Variants in ELMO1 observed in about 807,000 individuals in gnomAD.
ELMO1 encodes engulfment and cell motility protein 1.
ELMO1 carries 26 observed loss-of-function variants against 98.9 expected under a neutral mutation model. The observed-to-expected ratio is 0.26, with a 90% CI of 0.19 to 0.36. ELMO1 has a LOEUF of 0.36. Among genes scored for constraint, ELMO1 ranks in the 10% least tolerant of loss-of-function variants. The pLI, the probability that ELMO1 is intolerant of heterozygous loss-of-function variation, is 1.00. For synonymous variants in ELMO1, 346 were observed against 346.0 expected (o/e 1.00, Z 0.00); for missense variants, 627 against 935.2 (o/e 0.67, Z 4.30).
intron 10 of ELMO1, among the ~76,000 whole-genome samples, chr7:37,219,636 T>C (rs1793485323): frequency 6.6e-6 from 1 of 152,216 alleles, no homozygotes; most frequent in South Asian, 2.1e-4. Flanking sequence ...GAGAATTCTA[T>C]GAGTGACATC....
At chr7:37,258,147 AG>A (rs1795786912) in intron 6 of ELMO1, among the ~76,000 whole-genome samples, 1 of 152,184 alleles carries the variant, frequency 6.6e-6, no homozygotes, top group African/African-American at 2.4e-5. Context: ...ATACGCTTGT[AG>A]TCCTAGCTAC....
chr7:37,303,733 G>A (rs1200824984), intron 4 of ELMO1, among the ~76,000 whole-genome samples: 2 of 152,182 alleles, frequency 1.3e-5, no homozygotes, highest in Non-Finnish European at 2.9e-5. Flanking sequence ...AAATGTTTCA[G>A]TACTTCAGTC....
intron 20 of ELMO1, 40 bp from the exon 21 acceptor site, chr7:36,861,776 G>A (rs759571716): frequency 8.8e-6 from 14 of 1,596,646 alleles, no homozygotes; most frequent in East Asian, 2.2e-5. Context: ...AAGGAAAATC[G>A]GCACATTTCA....
intron 14 of ELMO1, among the ~76,000 whole-genome samples, chr7:37,132,342 T>C (rs968872575): frequency 6.6e-6 from 1 of 152,214 alleles, no homozygotes; most frequent in African/African-American, 2.4e-5. Context: ...GTCATCATTT[T>C]AACCACTCAC....
intron 1 of ELMO1, among the ~76,000 whole-genome samples, chr7:37,394,650 G>C (rs1562663289): frequency 6.6e-6 from 1 of 152,158 alleles, no homozygotes; most frequent in African/African-American, 2.4e-5. Flanking sequence ...GGAACAGTGT[G>C]GAGGAAACAG....
intron 13 of ELMO1, among the ~76,000 whole-genome samples, chr7:37,187,748 T>C (rs1420950224): frequency 6.6e-6 from 1 of 152,196 alleles, no homozygotes; most frequent in African/African-American, 2.4e-5. Flanking sequence ...AATGTGATAA[T>C]TTGACTATTT....
chr7:36,993,048 T>C (rs925903449), intron 16 of ELMO1, among the ~76,000 whole-genome samples: 1 of 151,646 alleles, frequency 6.6e-6, no homozygotes, highest in Non-Finnish European at 1.5e-5. Flanking sequence ...ACCAACAAGG[T>C]CAAGAACACA....
In ELMO1 at chr7:37,096,675, C is replaced by A; in HGVS notation, c.1244G>T (p.Arg415Leu). The change falls in exon 15 of 22, where the codon CGC becomes CTC. Residue 415 changes from arginine (R) to leucine (L), a missense_variant. This residue lies in a region of ELMO1 where 492 missense variants were observed against 715.6 expected (regional missense o/e 0.69). Transcript: ENST00000310758. ...REDKHECPFGRSSIELTKMLC... is the reference protein window; with the variant it reads ...REDKHECPFGLSSIELTKMLC... ...CATCTTGGTCAGCTCTATACTACTG[C>A]GGCCAAAGGGACATTCATGCTTGTC... The A allele has an allele frequency of 6.2e-7, 1 of 1,614,138 alleles. No homozygotes were observed.
chr7:36,855,543 C>T lies in ELMO1; in HGVS notation c.*8G>A, dbSNP rs779767064. 1.2e-5 allele frequency: 20 copies of T among 1,613,780 alleles called. 1 individual carries two copies. Among genetic ancestry groups the T allele is most frequent in the East Asian group, 6.7e-5 (3 of 44,878 alleles). ...GTTTTGGAAGGGGCATGTCTGGGCC[C>T]GGCCACTTCAGTTACAGTCATAGAC... On this transcript the variant is annotated 3_prime_UTR_variant, in exon 22 of 22. Coordinates refer to ENST00000310758, the MANE Select transcript of ELMO1 (RefSeq NM_014800.11). The surrounding 1 kb of genome is among the most constrained non-coding windows in gnomAD (Gnocchi z 4.2).
chr7:37,435,245 T>A (rs991340350), intron 1 of ELMO1: 1 of 152,234 alleles, frequency 6.6e-6, no homozygotes, highest in African/African-American at 2.4e-5. Context: ...ATAAAGAATA[T>A]TTCCAAATCA....
At chr7:37,338,409 C>T (rs1800538510) in intron 2 of ELMO1, among the ~76,000 whole-genome samples, 1 of 152,132 alleles carries the variant, frequency 6.6e-6, no homozygotes, top group African/African-American at 2.4e-5. Flanking sequence ...TACAAGGCAC[C>T]ATTTATGAGG....
At chr7:37,213,587 C>A (rs988736880) in intron 11 of ELMO1, 130 bp from the exon 12 acceptor site, 1 of 762,464 alleles carries the variant, frequency 1.3e-6, no homozygotes, top group Admixed American at 3.0e-5. Flanking sequence ...GGTGAGGGCA[C>A]AGGGAATTTC....
In ELMO1 at chr7:37,282,516, C is replaced by T. The variant is rs1007275067; in HGVS notation, c.193-10634G>A. Among the ~76,000 whole-genome samples the T allele has an allele frequency of 5.3e-5, 8 of 152,158 alleles. No individual in the cohort carries two copies. In the East Asian group the frequency reaches 9.6e-4, roughly 18 times the overall value. ...AAACAACTGAGGGCAATATATGATACGCTGGTTGCTAAGTTACACAGCAAT... is the reference window on the plus strand; with the variant it reads ...AAACAACTGAGGGCAATATATGATATGCTGGTTGCTAAGTTACACAGCAAT... On this transcript the variant is annotated intron_variant, in intron 4 of 21. Transcript: ENST00000310758.
chr7:36,872,014 T>C (rs1046170758), intron 19 of ELMO1, among the ~76,000 whole-genome samples: 53 of 152,228 alleles, frequency 3.5e-4, no homozygotes, highest in African/African-American at 1.2e-3. Context: ...TGGACCCTTC[T>C]GGTAGACATT....
intron 16 of ELMO1, among the ~76,000 whole-genome samples, chr7:36,939,230 G>A (rs969668258): frequency 2.6e-5 from 4 of 151,212 alleles, no homozygotes; most frequent in South Asian, 4.2e-4. Context: ...GCCACTTACC[G>A]AAGACAGAGT....
At chr7:37,111,817 A>G (rs889042321) in intron 14 of ELMO1, among the ~76,000 whole-genome samples, 1 of 152,232 alleles carries the variant, frequency 6.6e-6, no homozygotes, top group African/African-American at 2.4e-5. Flanking sequence ...CAAGCTGCCA[A>G]GCTATCAGCA....
At chr7:37,076,465 C>G (rs962595238) in intron 15 of ELMO1, among the ~76,000 whole-genome samples, 1 of 152,212 alleles carries the variant, frequency 6.6e-6, no homozygotes, top group Non-Finnish European at 1.5e-5. Context: ...TCACCAGCCA[C>G]GATGACCAGT....
intron 15 of ELMO1, among the ~76,000 whole-genome samples, chr7:37,080,552 C>T (rs1050599705): frequency 6.6e-6 from 1 of 151,248 alleles, no homozygotes; most frequent in Non-Finnish European, 1.5e-5. Flanking sequence ...ATTCTCCCAC[C>T]TCAGCATCCC....
chr7:37,192,674 T>C (rs1438249060), intron 13 of ELMO1, among the ~76,000 whole-genome samples: 1 of 150,648 alleles, frequency 6.6e-6, no homozygotes, highest in Non-Finnish European at 1.5e-5. Flanking sequence ...GGTGCATTCC[T>C]GTAATCCCAG....
Sources: allele counts gnomAD v4.1 joint callset (sites outside exome capture counted in the v4.1 genomes callset), GRCh38; gene constraint gnomAD v4.1.1; regional missense constraint gnomAD v4.1.1; non-coding constraint Gnocchi (gnomAD v3.1); transcripts MANE v1.5; gene names NCBI Gene and HGNC (gene_info 2026-07-23, HGNC 2026-07-21).